The following ROBO2 variants were observed in gnomAD, a reference collection of about 807,000 sequenced individuals.
ROBO2 encodes roundabout homolog 2.
In ROBO2, 53 loss-of-function variants were observed where a neutral mutation model predicts 160.8. That is an observed-to-expected ratio of 0.33 (90% CI 0.26 to 0.41). The LOEUF is 0.41. ROBO2 is among the 10% of genes least tolerant of loss of function. The pLI is 1.00. For missense variants in ROBO2, 1,577 were observed against 1,722.4 expected, an observed-to-expected ratio of 0.92 and a Z score of 1.49; for synonymous variants, 664 against 611.7, an observed-to-expected ratio of 1.09 and a Z score of -1.26.
Position 76,687,481 on chromosome 3 carries a change from A to G in ROBO2, c.110-410533A>G, listed in dbSNP as rs368569653. Among the ~76,000 whole-genome samples, 12 of 152,234 alleles carry G rather than the reference A, an allele frequency of 7.9e-5. No homozygotes were observed. The East Asian group carries it at 2.1e-3, about 27-fold the overall frequency. On this transcript the variant is annotated intron_variant, in intron 2 of 26. Coordinates refer to the ROBO2 transcript ENST00000487694. ...TCCCAGGGCCTTAAAGATGACAGTC[A>G]CATGATCAAAAAGAAAGATTTTAAA...
chr3:76,560,694 T>C (rs575664149), intron 2 of ROBO2, among the ~76,000 whole-genome samples: 43 of 150,618 alleles, frequency 2.9e-4, no homozygotes, highest in South Asian at 6.3e-4. Context: ...GAACCCTTTT[T>C]CCCCCACATA....
At chr3:76,250,359 T>C (rs180961626) in intron 2 of ROBO2, among the ~76,000 whole-genome samples, 2 of 152,230 alleles carry the variant, frequency 1.3e-5, no homozygotes, top group Non-Finnish European at 2.9e-5. Flanking sequence ...ATTTTGCATA[T>C]TTATTGTATA....
chr3:77,112,340 T>C (rs2073729396), intron 2 of ROBO2, among the ~76,000 whole-genome samples: 1 of 151,692 alleles, frequency 6.6e-6, no homozygotes. Flanking sequence ...ACCTCCCGGA[T>C]TCAAGCGATT....
chr3:76,543,171 C>G (rs760343596), intron 2 of ROBO2, among the ~76,000 whole-genome samples: 2 of 152,260 alleles, frequency 1.3e-5, no homozygotes, highest in South Asian at 4.1e-4. Flanking sequence ...ATTTTTAACT[C>G]TGGACTAGAT....
intron 2 of ROBO2, among the ~76,000 whole-genome samples, chr3:77,402,615 A>G (rs7626025): frequency 0.63 from 95,151 of 151,500 alleles, 30,837 homozygotes; most frequent in African/African-American, 0.79. Context: ...TAACTGGTAT[A>G]TGACCTTCTA....
intron 1 of ROBO2, among the ~76,000 whole-genome samples, chr3:77,048,422 G>A (rs566229699): frequency 1.2e-3 from 188 of 152,246 alleles, no homozygotes; most frequent in African/African-American, 4.3e-3. Context: ...AAGGTGCGAC[G>A]AATGAAGATA....
At chr3:76,377,566 A>T (rs1247752807) in intron 2 of ROBO2, among the ~76,000 whole-genome samples, 1 of 152,102 alleles carries the variant, frequency 6.6e-6, no homozygotes, top group Non-Finnish European at 1.5e-5. Flanking sequence ...TATCCCTGCT[A>T]ATCTCCTTGC....
At chr3:76,742,053 TA>T (rs918977125) in intron 2 of ROBO2, among the ~76,000 whole-genome samples, 42 of 152,200 alleles carry the variant, frequency 2.8e-4, no homozygotes, top group African/African-American at 9.6e-4. Flanking sequence ...CAACAGCTAA[TA>T]AATGAGTGAA....
intron 2 of ROBO2, among the ~76,000 whole-genome samples, chr3:76,181,027 C>T (rs1331339530): frequency 2.0e-5 from 3 of 152,142 alleles, no homozygotes; most frequent in Non-Finnish European, 2.9e-5. Context: ...CTACAGTCTA[C>T]ATGACCAACA....
At chr3:76,669,709 A>G (rs1343311608) in intron 2 of ROBO2, among the ~76,000 whole-genome samples, 1 of 152,180 alleles carries the variant, frequency 6.6e-6, no homozygotes, top group Non-Finnish European at 1.5e-5. Context: ...GATAAAAGCA[A>G]TGTGGTGCAA....
chr3:76,638,633 C>T (rs560571015), intron 2 of ROBO2, among the ~76,000 whole-genome samples: 12 of 151,962 alleles, frequency 7.9e-5, no homozygotes, highest in African/African-American at 2.4e-4. Flanking sequence ...CCAGAAATAA[C>T]GTAGCATGTT....
chr3:76,216,664 T>A (rs1166648243), intron 2 of ROBO2, among the ~76,000 whole-genome samples: 1 of 152,008 alleles, frequency 6.6e-6, no homozygotes, highest in Non-Finnish European at 1.5e-5. Context: ...ATAAAGCAAG[T>A]CCTTAGAGAC....
intron 2 of ROBO2, among the ~76,000 whole-genome samples, chr3:76,573,971 C>T (rs2085123453): frequency 6.6e-6 from 1 of 152,092 alleles, no homozygotes; most frequent in African/African-American, 2.4e-5. Flanking sequence ...TCTCTGCGTT[C>T]CCATAGCATT....
chr3:76,215,779 G>A (rs1703479055), intron 2 of ROBO2, among the ~76,000 whole-genome samples: 1 of 152,152 alleles, frequency 6.6e-6, no homozygotes, highest in African/African-American at 2.4e-5. Flanking sequence ...AGCAAGGCAG[G>A]CCAACATTCA....
chr3:77,114,094 G>A (rs892322305), intron 2 of ROBO2, among the ~76,000 whole-genome samples: 1 of 152,116 alleles, frequency 6.6e-6, no homozygotes, highest in Non-Finnish European at 1.5e-5. Flanking sequence ...AAGAGACCAC[G>A]TTCTGACCAT....
At chr3:77,388,916 A>G (rs2074412757) in intron 2 of ROBO2, among the ~76,000 whole-genome samples, 2 of 152,184 alleles carry the variant, frequency 1.3e-5, no homozygotes, top group South Asian at 4.1e-4. Flanking sequence ...TTTACGTCAG[A>G]GGGGTTTTTC....
chr3:77,459,634 C>A (rs1181287491), intron 2 of ROBO2, among the ~76,000 whole-genome samples: 1 of 152,126 alleles, frequency 6.6e-6, no homozygotes, highest in Non-Finnish European at 1.5e-5. Context: ...TGTGATCTTG[C>A]TGCTTCTTTA....
chr3:76,939,543 C>A (rs1022132361), intron 2 of ROBO2, among the ~76,000 whole-genome samples: 3 of 152,134 alleles, frequency 2.0e-5, no homozygotes, highest in Non-Finnish European at 4.4e-5. Flanking sequence ...GTAATCCCAG[C>A]ACTTTGGGAG....
intron 2 of ROBO2, among the ~76,000 whole-genome samples, chr3:77,181,277 T>G (rs1455489945): frequency 6.6e-6 from 1 of 152,018 alleles, no homozygotes; most frequent in Admixed American, 6.6e-5. Context: ...TGTACTGAGA[T>G]TATCTGACTT....
Sources: allele counts gnomAD v4.1 joint callset (sites outside exome capture counted in the v4.1 genomes callset), GRCh38; gene constraint gnomAD v4.1.1; transcripts MANE v1.5; gene names NCBI Gene and HGNC (gene_info 2026-07-23, HGNC 2026-07-21).